Variants in PPM1L observed in about 807,000 individuals in gnomAD.
PPM1L encodes protein phosphatase 1L.
A neutral mutation model predicts 31.4 loss-of-function variants in PPM1L; 13 were observed. The ratio of observed to expected loss-of-function variants is 0.41; its 90% CI spans 0.27 to 0.66. The LOEUF (loss-of-function observed/expected upper bound fraction) is 0.66, where lower values mean the gene tolerates loss of function less well. PPM1L is among the 30% of genes least tolerant of loss of function. The pLI is 0.29. For synonymous variants in PPM1L, 184 were observed against 175.4 expected, an observed-to-expected ratio of 1.05 and a Z score of -0.39; for missense variants, 326 against 453.7, an observed-to-expected ratio of 0.72 and a Z score of 2.56.
chr3:160,989,592 C>A (rs746175397), intron 2 of PPM1L, among the ~76,000 whole-genome samples: 162 of 152,054 alleles, frequency 1.1e-3, no homozygotes, highest in Admixed American at 1.7e-3. Context: ...GAACCCCTGA[C>A]CTCAGGTGAT....
chr3:160,891,037 G>GGCA (rs1713120570), intron 1 of PPM1L, among the ~76,000 whole-genome samples: 1 of 152,100 alleles, frequency 6.6e-6, no homozygotes, highest in Admixed American at 6.5e-5. Context: ...AGAAAACGTA[G>GGCA]GCAGTACCAT....
intron 2 of PPM1L, among the ~76,000 whole-genome samples, chr3:160,967,909 C>T (rs1227858209): frequency 6.6e-6 from 1 of 152,032 alleles, no homozygotes; most frequent in Non-Finnish European, 1.5e-5. Context: ...AGTTCTAAAA[C>T]TATGCTTTGG....
chr3:160,814,582 TAC>T (rs1323848164), intron 1 of PPM1L, among the ~76,000 whole-genome samples: 70 of 93,606 alleles, frequency 7.5e-4, no homozygotes, highest in African/African-American at 1.6e-3. Flanking sequence ...TGTATATATA[TAC>T]ACACACATAT....
intron 1 of PPM1L, among the ~76,000 whole-genome samples, chr3:160,925,020 G>A (rs1451008366): frequency 1.3e-5 from 2 of 152,210 alleles, no homozygotes; most frequent in East Asian, 3.9e-4. Context: ...TCTCCTATTT[G>A]TTTTATATTT....
chr3:160,810,058 T>G (rs9833075), intron 1 of PPM1L, among the ~76,000 whole-genome samples: 64,821 of 151,434 alleles, frequency 0.43, 14,781 homozygotes, highest in East Asian at 0.61. Context: ...TCTTAATTCC[T>G]TTCCTTTATC....
chr3:160,878,749 G>A (rs925999384), intron 1 of PPM1L, among the ~76,000 whole-genome samples: 2 of 152,190 alleles, frequency 1.3e-5, no homozygotes, highest in Non-Finnish European at 2.9e-5. Context: ...ACTGTTAAAT[G>A]TGTAGCCCCT....
At chr3:160,808,546 T>A (rs1712711619) in intron 1 of PPM1L, among the ~76,000 whole-genome samples, 1 of 152,114 alleles carries the variant, frequency 6.6e-6, no homozygotes, top group Admixed American at 6.5e-5. Context: ...ACCCTGCTCT[T>A]TGACCCCAGC....
In PPM1L at chr3:160,790,180, G is replaced by A. The variant is rs949489153; in HGVS notation, c.399+33473G>A. ...ACAGATACAGAGGGCTGTGAGGTAG[G>A]ACTTTGACATCTTTCTTAGTTACAT... On this transcript the variant is annotated intron_variant, in intron 1 of 3. Transcript: ENST00000498165. Among the ~76,000 whole-genome samples the A allele has an allele frequency of 2.0e-5, 3 of 152,168 alleles. No homozygotes were observed. In the East Asian group the frequency reaches 5.8e-4, roughly 29 times the overall value.
Position 161,077,009 on chromosome 3 carries a change from G to A in PPM1L, c.*7852G>A, listed in dbSNP as rs1720122956. The A allele has an allele frequency of 6.6e-6, 1 of 152,168 alleles. No homozygotes were observed. The highest frequency in any genetic ancestry group is 2.1e-4 in the South Asian group (1 of 4,818). 9.4% of individuals were successfully genotyped at this position (152,168 alleles called of 1,614,324 possible). ...GAGCATCTACTATGTGCCAGGCAGT[G>A]ACTGTGTCTGAGTGAATGTATCCAT... On this transcript the variant is annotated 3_prime_UTR_variant, in exon 4 of 4. Transcript: ENST00000498165.
chr3:160,901,830 C>G (rs56707676), intron 1 of PPM1L, among the ~76,000 whole-genome samples: 3,615 of 152,172 alleles, frequency 0.024, 121 homozygotes, highest in African/African-American at 0.067. Flanking sequence ...CACTGTTTAT[C>G]TTTCCTCATA....
chr3:161,040,989 C>G (rs1277917930), intron 2 of PPM1L, among the ~76,000 whole-genome samples: 1 of 152,172 alleles, frequency 6.6e-6, no homozygotes, highest in East Asian at 1.9e-4. Flanking sequence ...CCAGGCCTTT[C>G]CAATCCTAAA....
chr3:160,867,771 T>C (rs1712147317), intron 1 of PPM1L, among the ~76,000 whole-genome samples: 2 of 152,214 alleles, frequency 1.3e-5, no homozygotes, highest in Admixed American at 6.5e-5. Context: ...CATGGTATCA[T>C]TGTAAAGGTT....
chr3:160,912,089 G>A (rs1413684456), intron 1 of PPM1L, among the ~76,000 whole-genome samples: 5 of 152,184 alleles, frequency 3.3e-5, no homozygotes, highest in Non-Finnish European at 7.3e-5. Context: ...ATAATGGTAT[G>A]TGCAAAGCCA....
intron 2 of PPM1L, among the ~76,000 whole-genome samples, chr3:161,038,585 T>TAAAAAAAAAAAAAAAAAAAAAAAAAAAAA: frequency 9.0e-6 from 1 of 110,584 alleles, no homozygotes; most frequent in Non-Finnish European, 1.9e-5. Context: ...GGATTTGTTT[T>TAAAAAAAAAAAAAAAAAAAAAAAAAAAAA]AAAAAAAAAA....
chr3:160,816,011 T>A (rs1712983946), intron 1 of PPM1L, among the ~76,000 whole-genome samples: 1 of 152,136 alleles, frequency 6.6e-6, no homozygotes. Flanking sequence ...CACCTTATAC[T>A]CCTTTTCTAT....
intron 2 of PPM1L, among the ~76,000 whole-genome samples, chr3:160,991,673 C>G (rs568959357): frequency 1.3e-5 from 2 of 152,234 alleles, no homozygotes; most frequent in South Asian, 4.2e-4. Context: ...AACCCTGGGC[C>G]TTAACTGTAT....
chr3:160,888,976 CAA>C, intron 1 of PPM1L, among the ~76,000 whole-genome samples: 1 of 151,988 alleles, frequency 6.6e-6, no homozygotes, highest in South Asian at 2.1e-4. Flanking sequence ...GACAATGTAC[CAA>C]AATCTCTGGG....
intron 1 of PPM1L, chr3:160,842,371 G>C (rs984970192): frequency 2.0e-5 from 14 of 694,434 alleles, no homozygotes; most frequent in African/African-American, 5.3e-5. Context: ...TAGAGAGGTA[G>C]GTTGAATTCA....
At chr3:160,882,127 G>C (rs1469829739) in intron 1 of PPM1L, 1 of 151,824 alleles carries the variant, frequency 6.6e-6, no homozygotes, top group Non-Finnish European at 1.5e-5. Context: ...CCTCATATAC[G>C]TTGTTGAATA....
Sources: gnomAD v4.1 joint callset for allele counts (sites outside exome capture counted in the v4.1 genomes callset) on GRCh38, gnomAD v4.1.1 for gene constraint, MANE v1.5 for transcripts, NCBI Gene and HGNC (gene_info 2026-07-23, HGNC 2026-07-21) for gene names.